NSMCE2: variants seen among roughly 807,000 people sequenced by gnomAD.
NSMCE2 encodes the protein E3 SUMO-protein ligase NSE2.
In NSMCE2, 24 loss-of-function variants were observed where a neutral mutation model predicts 23.8. The ratio of observed to expected loss-of-function variants is 1.01; its 90% CI spans 0.73 to 1.42. The LOEUF is 1.42. Ranked by LOEUF, NSMCE2 falls within the 40% of genes most tolerant of loss-of-function variation. The pLI is 0.00. For synonymous variants in NSMCE2, 92 were observed against 94.1 expected (o/e 0.98, Z 0.13); for missense variants, 284 against 296.5 (o/e 0.96, Z 0.31).
intron 3 of NSMCE2, among the ~76,000 whole-genome samples, chr8:125,111,780 G>C (rs1174929690): frequency 2.6e-5 from 4 of 152,200 alleles, no homozygotes; most frequent in African/African-American, 9.6e-5. Context: ...AACCTAGGCA[G>C]TAGAGTGAGA....
intron 5 of NSMCE2, among the ~76,000 whole-genome samples, chr8:125,253,417 G>T (rs1826275859): frequency 6.6e-6 from 1 of 152,212 alleles, no homozygotes; most frequent in African/African-American, 2.4e-5. Flanking sequence ...AATCTTTGTG[G>T]ATGGGTGTTT....
At chr8:125,326,647 AG>A (rs1213080648) in intron 5 of NSMCE2, among the ~76,000 whole-genome samples, 10 of 152,154 alleles carry the variant, frequency 6.6e-5, no homozygotes, top group African/African-American at 2.2e-4. Context: ...TTTAAAAAAA[AG>A]ATTGGTTAAA....
chr8:125,138,455 G>A (rs1039984270), intron 3 of NSMCE2, among the ~76,000 whole-genome samples: 31 of 151,716 alleles, frequency 2.0e-4, no homozygotes, highest in African/African-American at 7.2e-4. Flanking sequence ...CGAACTTCTG[G>A]CCTGAAGTGA....
chr8:125,203,150 A>G (rs1823958559), intron 5 of NSMCE2, among the ~76,000 whole-genome samples: 1 of 152,132 alleles, frequency 6.6e-6, no homozygotes, highest in African/African-American at 2.4e-5. Context: ...AAATTGAAAA[A>G]AATGGTCTTT....
chr8:125,346,920 A>AGG (rs1812782442), intron 5 of NSMCE2, among the ~76,000 whole-genome samples: 1 of 152,246 alleles, frequency 6.6e-6, no homozygotes. Flanking sequence ...ATAACATGAA[A>AGG]GGGTATATCT....
intron 5 of NSMCE2, among the ~76,000 whole-genome samples, chr8:125,325,314 ATAAAATAAAG>A (rs56084080): frequency 0.42 from 62,472 of 147,586 alleles, 15,620 homozygotes; most frequent in East Asian, 0.53. Context: ...ATAAAATAAA[ATAAAATAAAG>A]TAAAATAAAA....
intron 5 of NSMCE2, among the ~76,000 whole-genome samples, chr8:125,214,745 C>G (rs897459456): frequency 5.9e-5 from 9 of 152,028 alleles, no homozygotes; most frequent in Admixed American, 2.0e-4. Flanking sequence ...AATATTGATA[C>G]ACTATTATTG....
At chr8:125,103,033 C>T (rs191218559) in intron 3 of NSMCE2, among the ~76,000 whole-genome samples, 3 of 152,138 alleles carry the variant, frequency 2.0e-5, no homozygotes, top group East Asian at 1.9e-4. Context: ...TTTGGGAGGC[C>T]GAGGCCGGCA....
At chr8:125,125,832 T>C (rs1237274945) in intron 3 of NSMCE2, among the ~76,000 whole-genome samples, 1 of 152,198 alleles carries the variant, frequency 6.6e-6, no homozygotes, top group East Asian at 1.9e-4. Flanking sequence ...GTATCATAGT[T>C]CACCTTGTTG....
intron 5 of NSMCE2, among the ~76,000 whole-genome samples, chr8:125,277,793 C>T (rs914202430): frequency 2.0e-5 from 3 of 152,066 alleles, no homozygotes; most frequent in African/African-American, 4.8e-5. Flanking sequence ...GGATTACAGG[C>T]GTGAGCCACT....
chr8:125,227,514 G>A (rs563822365), intron 5 of NSMCE2, among the ~76,000 whole-genome samples: 6 of 152,244 alleles, frequency 3.9e-5, no homozygotes, highest in South Asian at 4.1e-4. Context: ...ACTTTTATTA[G>A]CATCTTTGTC....
intron 5 of NSMCE2, among the ~76,000 whole-genome samples, chr8:125,234,449 T>G (rs1825460208): frequency 6.6e-6 from 1 of 152,178 alleles, no homozygotes; most frequent in South Asian, 2.1e-4. Flanking sequence ...TTGCTCTGAG[T>G]CTTTCTTGCT....
intron 5 of NSMCE2, among the ~76,000 whole-genome samples, chr8:125,227,236 T>G (rs1389846217): frequency 6.6e-6 from 1 of 152,274 alleles, no homozygotes; most frequent in East Asian, 1.9e-4. Flanking sequence ...GCCACGTCCC[T>G]GACATGGCAG....
At chr8:125,320,252 G>GGAGGGAAT (rs1829387346) in intron 5 of NSMCE2, among the ~76,000 whole-genome samples, 1 of 36,128 alleles carries the variant, frequency 2.8e-5, no homozygotes, top group Admixed American at 3.3e-4. Context: ...AGGGAGGGAG[G>GGAGGGAAT]GAAGGAAGGA....
chr8:125,295,818 G>T (rs1828299727), intron 5 of NSMCE2, among the ~76,000 whole-genome samples: 1 of 152,048 alleles, frequency 6.6e-6, no homozygotes, highest in South Asian at 2.1e-4. Flanking sequence ...TGTTTTTTAA[G>T]CTCTAATGAA....
At chr8:125,330,181 C>CT (rs796167561) in intron 5 of NSMCE2, among the ~76,000 whole-genome samples, 45,439 of 136,286 alleles carry the variant, frequency 0.33, 10,180 homozygotes, top group African/African-American at 0.63. Context: ...TTTTTTCTTT[C>CT]TTTTTTTTTT....
chr8:125,282,514 C>T (rs1827734567), intron 5 of NSMCE2, among the ~76,000 whole-genome samples: 1 of 152,210 alleles, frequency 6.6e-6, no homozygotes. Flanking sequence ...TGATGCATCG[C>T]ATATTTACCT....
At chr8:125,158,461 G>C (rs1054230077) in intron 4 of NSMCE2, among the ~76,000 whole-genome samples, 2 of 152,144 alleles carry the variant, frequency 1.3e-5, no homozygotes, top group Non-Finnish European at 2.9e-5. Context: ...AGGAGCAGCA[G>C]AATGGGCAGG....
chr8:125,158,011 G>A (rs920367306), intron 4 of NSMCE2, among the ~76,000 whole-genome samples: 4 of 152,174 alleles, frequency 2.6e-5, no homozygotes, highest in South Asian at 2.1e-4. Flanking sequence ...CAAAGGAAGA[G>A]GATATTCAGA....
Sources: allele counts gnomAD v4.1 joint callset (sites outside exome capture counted in the v4.1 genomes callset), GRCh38; gene constraint gnomAD v4.1.1; transcripts MANE v1.5; gene names NCBI Gene and HGNC (gene_info 2026-07-23, HGNC 2026-07-21).